Variants in CHRM3 observed in about 807,000 individuals in gnomAD.
The protein encoded by CHRM3 is muscarinic acetylcholine receptor M3.
Under a neutral mutation model 41.8 loss-of-function variants are expected in CHRM3, and 11 were observed. The observed-to-expected ratio is 0.26, with a 90% CI of 0.17 to 0.44. CHRM3 has a LOEUF of 0.44. CHRM3 is among the 20% of genes least tolerant of loss of function. The pLI is 1.00. For missense variants in CHRM3, 571 were observed against 745.4 expected (o/e 0.77, Z 2.72); for synonymous variants, 297 against 301.4 (o/e 0.99, Z 0.15).
intron 3 of CHRM3, among the ~76,000 whole-genome samples, chr1:239,604,595 C>CA (rs974309296): frequency 1.2e-4 from 18 of 152,138 alleles, no homozygotes; most frequent in African/African-American, 4.3e-4. Flanking sequence ...TGTTGGGTGG[C>CA]AACTGCCCTC....
intron 3 of CHRM3, among the ~76,000 whole-genome samples, chr1:239,597,855 A>C (rs1664970316): frequency 2.8e-5 from 2 of 71,318 alleles, no homozygotes; most frequent in East Asian, 4.2e-4. Context: ...AAAAACTGTC[A>C]GAGTTTTTTT....
intron 5 of CHRM3, among the ~76,000 whole-genome samples, chr1:239,818,986 A>G (rs1489532200): frequency 6.6e-6 from 1 of 152,162 alleles, no homozygotes; most frequent in East Asian, 1.9e-4. Flanking sequence ...TACTGAACAC[A>G]AGTGGCTCCA....
intron 5 of CHRM3, among the ~76,000 whole-genome samples, chr1:239,781,174 G>T (rs1009631447): frequency 6.6e-6 from 1 of 152,152 alleles, no homozygotes; most frequent in Non-Finnish European, 1.5e-5. Flanking sequence ...GGATTGTATT[G>T]AATCTAGAAA....
intron 4 of CHRM3, among the ~76,000 whole-genome samples, chr1:239,675,559 G>T (rs1056610659): frequency 6.6e-5 from 10 of 152,116 alleles, no homozygotes; most frequent in Non-Finnish European, 1.2e-4. Context: ...GCTCATTGTT[G>T]TCTGGAAATT....
intron 1 of CHRM3, among the ~76,000 whole-genome samples, chr1:239,392,635 T>C (rs1659135528): frequency 6.6e-6 from 1 of 152,248 alleles, no homozygotes. Context: ...AGAGAGGGGC[T>C]ACCAAGTGTG....
At chr1:239,465,909 C>A (rs1665692525) in intron 1 of CHRM3, among the ~76,000 whole-genome samples, 1 of 152,166 alleles carries the variant, frequency 6.6e-6, no homozygotes, top group Non-Finnish European at 1.5e-5. Flanking sequence ...AGACCAACTG[C>A]TCCTCTTCCT....
rs150907104 is a variant in CHRM3 at position 239,885,681 on chromosome 1, A to G, written c.-19-21752A>G. 2.4e-3 allele frequency among the ~76,000 whole-genome samples: 371 copies of G among 152,296 alleles called. 6 individuals are homozygous for G. Among genetic ancestry groups the G allele is most frequent in the Non-Finnish European group, 1.4e-3 (98 of 68,024 alleles). On this transcript the variant is annotated intron_variant, in intron 6 of 6. Transcript: ENST00000676153. ...GTTGTGATCACAGGCACACCTGCTC[A>G]GTGCTTCCCATATACAGCGACCAAG...
At chr1:239,530,530 G>A (rs1019576538) in intron 2 of CHRM3, among the ~76,000 whole-genome samples, 2 of 152,152 alleles carry the variant, frequency 1.3e-5, no homozygotes, top group African/African-American at 2.4e-5. Flanking sequence ...TCAGTGCAGG[G>A]TTCCAGGTAT....
intron 1 of CHRM3, among the ~76,000 whole-genome samples, chr1:239,404,398 A>AAGAGAG (rs1351562304): frequency 1.4e-5 from 1 of 69,240 alleles, no homozygotes; most frequent in Admixed American, 1.9e-4. Flanking sequence ...GAAAGAAAGA[A>AAGAGAG]AGAAAGAAAG....
At chr1:239,867,066 A>G (rs557689659) in intron 6 of CHRM3, among the ~76,000 whole-genome samples, 5 of 152,354 alleles carry the variant, frequency 3.3e-5, no homozygotes, top group African/African-American at 1.2e-4. Flanking sequence ...CTTCAGAGCC[A>G]AGCTTGGGGA....
At chr1:239,428,321 G>A (rs1662559237) in intron 1 of CHRM3, among the ~76,000 whole-genome samples, 1 of 152,178 alleles carries the variant, frequency 6.6e-6, no homozygotes, top group South Asian at 2.1e-4. Context: ...TTTACATAAA[G>A]GATTAGCAAC....
intron 3 of CHRM3, among the ~76,000 whole-genome samples, chr1:239,564,184 G>GT (rs931086670): frequency 1.3e-5 from 2 of 152,120 alleles, no homozygotes; most frequent in Non-Finnish European, 2.9e-5. Flanking sequence ...TCAAAACTTA[G>GT]TTTTACAGAG....
At chr1:239,862,063 C>G (rs908659343) in intron 6 of CHRM3, among the ~76,000 whole-genome samples, 2 of 152,200 alleles carry the variant, frequency 1.3e-5, no homozygotes, top group African/African-American at 4.8e-5. Flanking sequence ...CTTCAGACTA[C>G]AGCCTCTCAA....
chr1:239,642,727 C>G (rs937500669), intron 4 of CHRM3, among the ~76,000 whole-genome samples: 1 of 152,156 alleles, frequency 6.6e-6, no homozygotes, highest in African/African-American at 2.4e-5. Context: ...TCCTGTAGCT[C>G]GGAGTACTTT....
At chr1:239,475,213 G>A (rs919714204) in intron 1 of CHRM3, among the ~76,000 whole-genome samples, 7 of 152,100 alleles carry the variant, frequency 4.6e-5, no homozygotes, top group African/African-American at 1.7e-4. Context: ...TGTTGTATGT[G>A]TGAAGGATAG....
chr1:239,879,389 G>A (rs540893), intron 6 of CHRM3, among the ~76,000 whole-genome samples: 146,948 of 152,304 alleles, frequency 0.96, 71,149 homozygotes, highest in Middle Eastern at 1. Context: ...CAGCCTCTGC[G>A]GATCATTAGA....
chr1:239,387,086 G>A lies in CHRM3; in HGVS notation c.-662G>A, dbSNP rs1658569449. 1 of 152,256 alleles carries A rather than the reference G, an allele frequency of 6.6e-6. No individual in the cohort carries two copies. The highest frequency in any genetic ancestry group is 1.5e-5 in the Non-Finnish European group (1 of 68,128). The allele number at this position is 152,256 out of a possible 1,614,324, so 9.4% of individuals were successfully genotyped here. On this transcript the variant is annotated 5_prime_UTR_variant, in exon 1 of 7. Coordinates refer to ENST00000676153, the MANE Select transcript of CHRM3 (RefSeq NM_001375978.1). The surrounding 1 kb of genome is among the most constrained non-coding windows in gnomAD (Gnocchi z 5.1). ...GGCGATGAACTGAAGGGCGGCTCCGGGCAGGGGGGCACGATCTTAAGGACA... is the reference window on the plus strand; with the variant it reads ...GGCGATGAACTGAAGGGCGGCTCCGAGCAGGGGGGCACGATCTTAAGGACA...
At chr1:239,658,680 T>G (rs2148999723) in intron 4 of CHRM3, among the ~76,000 whole-genome samples, 1 of 152,264 alleles carries the variant, frequency 6.6e-6, no homozygotes, top group East Asian at 1.9e-4. Context: ...TGAAGAGTCA[T>G]GAAAAGCAAC....
chr1:239,505,977 A>G (rs1356091296), intron 2 of CHRM3, among the ~76,000 whole-genome samples: 1 of 152,192 alleles, frequency 6.6e-6, no homozygotes, highest in Non-Finnish European at 1.5e-5. Context: ...AGATTTGTGG[A>G]ACTTTGAACC....
Sources: allele counts gnomAD v4.1 joint callset (sites outside exome capture counted in the v4.1 genomes callset), GRCh38; gene constraint gnomAD v4.1.1; non-coding constraint Gnocchi (gnomAD v3.1); transcripts MANE v1.5; gene names NCBI Gene and HGNC (gene_info 2026-07-23, HGNC 2026-07-21).